Variants in RHOU observed in about 807,000 individuals in gnomAD.
RHOU encodes the protein ras homolog family member U, also known as rho-related GTP-binding protein RhoU.
RHOU carries 8 observed loss-of-function variants against 12.6 expected under a neutral mutation model. The ratio of observed to expected loss-of-function variants is 0.64; its 90% CI spans 0.37 to 1.15. RHOU has a LOEUF of 1.15. RHOU is among the 50% of genes most tolerant of loss of function. The pLI is 0.01. For missense variants in RHOU, 258 were observed against 347.0 expected, an observed-to-expected ratio of 0.74 and a Z score of 2.04; for synonymous variants, 161 against 147.4, an observed-to-expected ratio of 1.09 and a Z score of -0.67.
the RHOU span, among the ~76,000 whole-genome samples, chr1:228,684,982 G>A: frequency 2.6e-5 from 4 of 152,218 alleles, no homozygotes; most frequent in Non-Finnish European, 5.9e-5. Context: ...CAGCTACTCC[G>A]AGAGCTGCTG....
At chr1:228,669,699 C>A in the RHOU span, among the ~76,000 whole-genome samples, 1 of 152,116 alleles carries the variant, frequency 6.6e-6, no homozygotes, top group African/African-American at 2.4e-5. Context: ...GTCTACCTTA[C>A]GGGTACTTTT....
the RHOU span, among the ~76,000 whole-genome samples, chr1:228,691,066 T>A: frequency 6.6e-6 from 1 of 151,280 alleles, no homozygotes; most frequent in Non-Finnish European, 1.5e-5. Flanking sequence ...CTAAATTAAC[T>A]GCGAGGATTC....
chr1:228,693,291 GCCTACGTGC>G, the RHOU span, among the ~76,000 whole-genome samples: 1 of 152,322 alleles, frequency 6.6e-6, no homozygotes, highest in South Asian at 2.1e-4. Context: ...ACTGACTGCT[GCCTACGTGC>G]CCTCACAATA....
chr1:228,734,131 A>G (rs534653723), upstream of RHOU, among the ~76,000 whole-genome samples: 6 of 152,188 alleles, frequency 3.9e-5, no homozygotes, highest in East Asian at 1.2e-3. Context: ...AAGTCACTCA[A>G]TATGAGGGTA....
the RHOU span, chr1:228,687,618 C>G: frequency 6.4e-7 from 1 of 1,564,828 alleles, no homozygotes; most frequent in African/African-American, 1.3e-5. Flanking sequence ...GAATCAGTCA[C>G]TACTGGAACT....
chr1:228,716,621 C>T, the RHOU span, among the ~76,000 whole-genome samples: 4 of 151,994 alleles, frequency 2.6e-5, no homozygotes, highest in Non-Finnish European at 5.9e-5. Flanking sequence ...AATCCCAGCA[C>T]TTATTACAGT....
chr1:228,670,110 G>T, the RHOU span, among the ~76,000 whole-genome samples: 7 of 152,182 alleles, frequency 4.6e-5, no homozygotes, highest in Admixed American at 2.0e-4. Flanking sequence ...TAAGTTAACG[G>T]CAGTACTGGT....
At chr1:228,685,707 T>C in the RHOU span, among the ~76,000 whole-genome samples, 1 of 152,226 alleles carries the variant, frequency 6.6e-6, no homozygotes, top group Non-Finnish European at 1.5e-5. Flanking sequence ...AAATTATATA[T>C]AGGTTAAATG....
upstream of RHOU, among the ~76,000 whole-genome samples, chr1:228,732,163 G>A (rs890141966): frequency 4.0e-5 from 6 of 151,548 alleles, no homozygotes; most frequent in East Asian, 1.9e-4. Flanking sequence ...TTTCACTTAC[G>A]TATTTACCAC....
upstream of RHOU, among the ~76,000 whole-genome samples, chr1:228,730,854 A>C (rs969986046): frequency 1.1e-4 from 16 of 152,234 alleles, no homozygotes; most frequent in Non-Finnish European, 2.4e-4. Flanking sequence ...GTGAAATGTT[A>C]TCAATAGCAG....
chr1:228,696,894 G>A, the RHOU span, among the ~76,000 whole-genome samples: 1 of 152,146 alleles, frequency 6.6e-6, no homozygotes, highest in African/African-American at 2.4e-5. Context: ...AGCAATGACT[G>A]ACATTATTGA....
chr1:228,719,043 C>G, the RHOU span, among the ~76,000 whole-genome samples: 1 of 152,180 alleles, frequency 6.6e-6, no homozygotes, highest in South Asian at 2.1e-4. Context: ...GGCATCTATT[C>G]TACAGCACCT....
chr1:228,651,419 A>C, the RHOU span: 2 of 154,256 alleles, frequency 1.3e-5, no homozygotes, highest in Non-Finnish European at 2.9e-5. Flanking sequence ...AAGAGCAGCT[A>C]TGACTTTTGT....
chr1:228,732,158 C>T (rs1382505010), upstream of RHOU, among the ~76,000 whole-genome samples: 1 of 152,138 alleles, frequency 6.6e-6, no homozygotes, highest in East Asian at 1.9e-4. Context: ...TTTCCTTTCA[C>T]TTACGTATTT....
chr1:228,736,297 A>G (rs1234699625), intron 1 of RHOU, among the ~76,000 whole-genome samples: 3 of 151,686 alleles, frequency 2.0e-5, no homozygotes, highest in South Asian at 4.1e-4. Context: ...AATTTAAGCA[A>G]CAGATAAGTA....
At chr1:228,646,975 A>C in the RHOU span, among the ~76,000 whole-genome samples, 2 of 152,062 alleles carry the variant, frequency 1.3e-5, no homozygotes, top group Non-Finnish European at 2.9e-5. Flanking sequence ...GGAGAAGTAC[A>C]GAGGTACAGA....
the RHOU span, among the ~76,000 whole-genome samples, chr1:228,663,388 A>C: frequency 6.6e-6 from 1 of 152,184 alleles, no homozygotes; most frequent in Non-Finnish European, 1.5e-5. Context: ...TAACTGTAAC[A>C]AGAGAATACA....
the RHOU span, among the ~76,000 whole-genome samples, chr1:228,661,702 A>T: frequency 1.3e-5 from 2 of 152,302 alleles, no homozygotes; most frequent in Non-Finnish European, 2.9e-5. Context: ...AGACTTAAAC[A>T]TTAGGCCTAA....
rs529564708 is a variant in RHOU at position 228,743,414 on chromosome 1, T to C, written c.451T>C (p.Cys151Arg). 2 of 1,614,184 alleles carry C rather than the reference T, an allele frequency of 1.2e-6. No homozygotes were observed. Among genetic ancestry groups the C allele is most frequent in the Non-Finnish European group, 8.5e-7 (1 of 1,180,032 alleles). ...EKWVPEIRCHCPKAPIILVGT... is the reference protein window; with the variant it reads ...EKWVPEIRCHRPKAPIILVGT... The stretch of plus-strand genomic sequence containing the variant: ...ATGGGTGCCGGAGATTCGATGCCAC[T>C]GTCCCAAAGCCCCCATCATCCTAGT... The change falls in exon 3 of 3, where the codon TGT (cysteine) becomes CGT (arginine). Residue 151 changes from cysteine to arginine, a missense_variant. Physicochemically the swap from Cys to Arg is radical, Grantham distance 180. Transcript: ENST00000366691. This position sits in a 1 kb window ranked among gnomAD's most constrained non-coding sequence, Gnocchi z 5.1.
Sources: gnomAD v4.1 joint callset for allele counts (sites outside exome capture counted in the v4.1 genomes callset) on GRCh38, gnomAD v4.1.1 for gene constraint, Gnocchi (gnomAD v3.1) non-coding constraint, MANE v1.5 for transcripts, NCBI Gene and HGNC (gene_info 2026-07-23, HGNC 2026-07-21) for gene names.